Variants in PHYHD1 observed in about 807,000 individuals in gnomAD.
PHYHD1 encodes the protein phytanoyl-CoA dioxygenase domain containing 1.
In PHYHD1, 42 loss-of-function variants were observed where a neutral mutation model predicts 43.6. The ratio of observed to expected loss-of-function variants is 0.96; its 90% CI spans 0.75 to 1.25. The LOEUF is 1.25. Ranked by LOEUF, PHYHD1 falls within the 50% of genes most tolerant of loss-of-function variation. PHYHD1 has a pLI of 0.00. For missense variants in PHYHD1, 342 were observed against 370.8 expected, an observed-to-expected ratio of 0.92 and a Z score of 0.64; for synonymous variants, 139 against 143.6, an observed-to-expected ratio of 0.97 and a Z score of 0.23.
intron 6 of PHYHD1, 49 bp from the exon 7 acceptor site, chr9:128,936,399 G>T: frequency 6.3e-7 from 1 of 1,575,666 alleles, no homozygotes; most frequent in African/African-American, 1.3e-5. Flanking sequence ...TGGGTGTGGA[G>T]GGACACGTGG....
At chr9:128,932,068 C>T (rs534046860) in intron 4 of PHYHD1, among the ~76,000 whole-genome samples, 4 of 151,402 alleles carry the variant, frequency 2.6e-5, no homozygotes, top group South Asian at 4.2e-4. Context: ...CTCCTGACCT[C>T]GGGTGATCTG....
chr9:128,924,349 C>T (rs1207609152), intron 3 of PHYHD1, among the ~76,000 whole-genome samples: 3 of 152,010 alleles, frequency 2.0e-5, no homozygotes, highest in East Asian at 3.9e-4. Flanking sequence ...ACCCGGGAGG[C>T]GGAGCTTGCA....
intron 12 of PHYHD1, 43 bp downstream of exon 12, chr9:128,941,614 G>C (rs1372890951): frequency 1.2e-6 from 2 of 1,614,072 alleles, no homozygotes; most frequent in African/African-American, 2.7e-5. Context: ...GTCCCCTGGA[G>C]GCTGGGAACA....
Position 128,927,090 on chromosome 9 carries a change from G to T in PHYHD1, c.86G>T (p.Cys29Phe), listed in dbSNP as rs145026666. 892 of 1,614,192 alleles carry T rather than the reference G, an allele frequency of 5.5e-4. No individual in the cohort carries two copies. The highest frequency in any genetic ancestry group is 7.2e-4 in the Non-Finnish European group (846 of 1,180,024). ...GAAGGATTCTTGTCTGCGGAAGAGT[G>T]TGTGGCCATGCAACAAAGGATTGGC... ...VLEGFLSAEE[C>F]VAMQQRIGEI... The change falls in exon 4 of 13, where the codon TGT becomes TTT. Residue 29 changes from cysteine to phenylalanine, a missense_variant. By Grantham distance (205) the Cys-to-Phe change is radical. Transcript: ENST00000372592.
intron 3 of PHYHD1, 164 bp from the exon 4 acceptor site, chr9:128,926,874 A>G (rs1211805958): frequency 3.3e-6 from 3 of 900,942 alleles, no homozygotes; most frequent in East Asian, 5.1e-5. Flanking sequence ...CAAGCAGCCA[A>G]TATTGATTGC....
At chr9:128,936,347 A>C in intron 6 of PHYHD1, 101 bp from the exon 7 acceptor site, 1 of 1,474,182 alleles carries the variant, frequency 6.8e-7, no homozygotes, top group East Asian at 2.5e-5. Flanking sequence ...CTACAAAGTA[A>C]GTGAGAATGT....
At chr9:128,939,603 A>AATG (rs1841505962) in intron 9 of PHYHD1, among the ~76,000 whole-genome samples, 1 of 123,796 alleles carries the variant, frequency 8.1e-6, no homozygotes, top group East Asian at 2.1e-4. Flanking sequence ...TAATAATAAT[A>AATG]ATAAAGAAAT....
At chr9:128,940,818 G>T in intron 11 of PHYHD1, 103 bp downstream of exon 11, 2 of 1,174,806 alleles carry the variant, frequency 1.7e-6, no homozygotes, top group East Asian at 2.4e-5. Flanking sequence ...TCATCTGAGG[G>T]CAGTGAAGTC....
At chr9:128,934,099 A>G (rs1841366153) in intron 6 of PHYHD1, 41 bp downstream of exon 6, 3 of 1,593,098 alleles carry the variant, frequency 1.9e-6, no homozygotes, top group African/African-American at 1.3e-5. Flanking sequence ...AGATCGGGGA[A>G]CAGGCTGGGA....
chr9:128,924,568 C>T (rs1363080675), intron 3 of PHYHD1, among the ~76,000 whole-genome samples: 5 of 149,046 alleles, frequency 3.4e-5, no homozygotes, highest in Admixed American at 3.3e-4. Context: ...GCTATGATCA[C>T]ATCACTACTC....
chr9:128,933,163 T>C (rs1369813101), intron 4 of PHYHD1, among the ~76,000 whole-genome samples: 1 of 146,556 alleles, frequency 6.8e-6, no homozygotes, highest in Non-Finnish European at 1.5e-5. Flanking sequence ...TTTTTTTTTT[T>C]TTTTTTTTTG....
At chr9:128,936,133 C>T (rs1344292427) in intron 6 of PHYHD1, among the ~76,000 whole-genome samples, 1 of 151,750 alleles carries the variant, frequency 6.6e-6, no homozygotes, top group Admixed American at 6.6e-5. Flanking sequence ...CCCGAGGCCA[C>T]ACAGAGCAAA....
At chr9:128,924,239 AC>A (rs1181572525) in intron 3 of PHYHD1, among the ~76,000 whole-genome samples, 1 of 151,030 alleles carries the variant, frequency 6.6e-6, no homozygotes, top group African/African-American at 2.4e-5. Context: ...ACATGGTGAA[AC>A]CCCGTCTCTA....
At chr9:128,924,191 C>T (rs147959110) in intron 3 of PHYHD1, among the ~76,000 whole-genome samples, 2,622 of 151,944 alleles carry the variant, frequency 0.017, 81 homozygotes, top group African/African-American at 0.059. Flanking sequence ...CCGAAGTGGG[C>T]GGATCACAAG....
Position 128,940,412 on chromosome 9 carries a change from G to C in PHYHD1, c.501G>C (p.Leu167=), listed in dbSNP as rs1564543441. Reference sequence around the variant, plus strand: ...CCTCCTTCCTGTACACGGAGCCCCTGGGCCGGGTGCTGGGCGTGTGGATCG... The same window carrying C: ...CCTCCTTCCTGTACACGGAGCCCCTCGGCCGGGTGCTGGGCGTGTGGATCG... ...QDASFLYTEP[L]GRVLGVWIAV... The change falls in exon 10 of 13, where the codon CTG becomes CTC. Residue 167 remains leucine, a synonymous_variant. Transcript: ENST00000372592. The C allele has an allele frequency of 6.2e-7, 1 of 1,614,204 alleles. No homozygotes were observed. Among genetic ancestry groups the C allele is most frequent in the East Asian group, 2.2e-5 (1 of 44,870 alleles).
Position 128,941,782 on chromosome 9 carries a change from G to T in PHYHD1, c.*69G>T. 1 of 1,605,172 alleles carries T rather than the reference G, an allele frequency of 6.2e-7. No homozygotes were observed. The highest frequency in any genetic ancestry group is 2.2e-5 in the East Asian group (1 of 44,812). ...TGTGGGCTGTAAACACCAGTGCCTTGCTCAGCCTCCTGGTTGCAACAGGGA... is the reference window on the plus strand; with the variant it reads ...TGTGGGCTGTAAACACCAGTGCCTTTCTCAGCCTCCTGGTTGCAACAGGGA... On this transcript the variant is annotated 3_prime_UTR_variant, in exon 13 of 13. Transcript: ENST00000372592.
intron 11 of PHYHD1, 152 bp downstream of exon 11, chr9:128,940,867 T>A: frequency 1.4e-6 from 1 of 725,628 alleles, no homozygotes; most frequent in South Asian, 1.9e-5. Context: ...CGCTGGGAAG[T>A]CAGGAAGCAG....
In PHYHD1 at chr9:128,933,772, C is replaced by T; in HGVS notation, c.193-10C>T. ...TGCTGTCTCAGTCCTCTGATGTCCC[C>T]TTTCCACAGGGCAGCACAGACTATT... On this transcript the variant is annotated splice_polypyrimidine_tract_variant and intron_variant, in intron 4 of 12. Coordinates refer to ENST00000372592, the MANE Select transcript of PHYHD1 (RefSeq NM_001100876.2). The T allele has an allele frequency of 6.2e-7, 1 of 1,613,758 alleles. No homozygotes were observed. The highest frequency in any genetic ancestry group is 8.5e-7 in the Non-Finnish European group (1 of 1,179,660).
rs10988161 is a variant in PHYHD1 at position 128,941,938 on chromosome 9, G to A, written c.*225G>A. On this transcript the variant is annotated 3_prime_UTR_variant, in exon 13 of 13. Transcript: ENST00000372592. ...AACATAGCCTTGAGGAGGCTTCTCA[G>A]CCACCAAAGGGTTCTGGCCCCTTCT... is the stretch of plus-strand genomic sequence containing the variant. 42 of 605,752 alleles carry A rather than the reference G, an allele frequency of 6.9e-5. 2 individuals carry two copies. In the East Asian group the frequency reaches 8.0e-4, roughly 12 times the overall value. The allele number at this position is 605,752 out of a possible 1,614,324, so 37.5% of individuals were successfully genotyped here.
Sources: gnomAD v4.1 joint callset for allele counts (sites outside exome capture counted in the v4.1 genomes callset) on GRCh38, gnomAD v4.1.1 for gene constraint, MANE v1.5 for transcripts, NCBI Gene and HGNC (gene_info 2026-07-23, HGNC 2026-07-21) for gene names.